Variants in NFIX observed in about 807,000 individuals in gnomAD.
The protein encoded by NFIX is nuclear factor 1 X-type.
In NFIX, 2 loss-of-function variants were observed where a neutral mutation model predicts 53.3. The ratio of observed to expected loss-of-function variants is 0.04; its 90% confidence interval spans 0.02 to 0.12. NFIX has a LOEUF of 0.12. NFIX is among the 10% of genes least tolerant of loss of function. The probability of loss-of-function intolerance (pLI) is 1.00; values close to 1 mark genes in which losing one functional copy is unlikely to be tolerated. For missense variants in NFIX, 310 were observed against 674.5 expected (o/e 0.46, Z 5.99); for synonymous variants, 244 against 289.0 (o/e 0.84, Z 1.58).
rs1294868609 is a variant in NFIX, at chr19:13,014,248, C to G, written c.28-10773C>G. ...CCGGTCTGATTCGCAAATCCCCAAA[C>G]TGGCACAAACCGGGAAACTTGCGGC... On this transcript the variant is annotated intron_variant, in intron 1 of 10. Transcript: ENST00000592199. This position sits in a 1 kb window ranked among gnomAD's most constrained non-coding sequence, Gnocchi z 4.4. The G allele has an allele frequency of 6.6e-6, 1 of 152,224 alleles. No homozygotes were observed. Among genetic ancestry groups the G allele is most frequent in the African/African-American group, 2.4e-5 (1 of 41,448 alleles). The allele number at this position is 152,224 out of a possible 1,614,324, so 9.4% of individuals were successfully genotyped here.
intron 1 of NFIX, among the ~76,000 whole-genome samples, chr19:12,999,013 T>C (rs1599696295): frequency 6.6e-6 from 1 of 152,210 alleles, no homozygotes; most frequent in South Asian, 2.1e-4. Context: ...CATGGAGCCC[T>C]GAGCACATGC....
chr19:12,998,585 G>A lies in NFIX; in HGVS notation c.27+2721G>A, dbSNP rs529369745. 6.6e-6 allele frequency among the ~76,000 whole-genome samples: 1 copy of A among 152,082 alleles called. No homozygotes were observed. The highest frequency in any genetic ancestry group is 2.4e-5 in the African/African-American group (1 of 41,464). ...GTCTCAGGCGGAGAGAGGGGTGGGGGGTGGATGGATGGACCCCCATCCCCA... is the reference window on the plus strand; with the variant it reads ...GTCTCAGGCGGAGAGAGGGGTGGGGAGTGGATGGATGGACCCCCATCCCCA... On this transcript the variant is annotated intron_variant, in intron 1 of 10. Transcript: ENST00000592199. This position sits in a 1 kb window ranked among gnomAD's most constrained non-coding sequence, Gnocchi z 4.4.
chr19:13,094,748 C>T lies in NFIX; in HGVS notation c.*99C>T, dbSNP rs2018337499. 2 of 1,349,682 alleles carry T rather than the reference C, an allele frequency of 1.5e-6. No individual in the cohort carries two copies. The highest frequency in any genetic ancestry group is 2.0e-6 in the Non-Finnish European group (2 of 983,796). 83.6% of individuals were successfully genotyped at this position (1,349,682 alleles called of 1,614,324 possible). On this transcript the variant is annotated 3_prime_UTR_variant, in exon 11 of 11. Coordinates refer to ENST00000592199, the MANE Select transcript of NFIX (RefSeq NM_001365902.3). The surrounding 1 kb of genome is among the most constrained non-coding windows in gnomAD (Gnocchi z 4.3). ...GGAAAAATCCCCCAGCCCAGCCCAG[C>T]CCCACCGAAAAGCAAAAATTACACG...
chr19:13,067,074 G>A lies in NFIX; in HGVS notation c.560-5973G>A, dbSNP rs767063446. 2.0e-5 allele frequency among the ~76,000 whole-genome samples: 3 copies of A among 152,218 alleles called. No homozygotes were observed. Among genetic ancestry groups the A allele is most frequent in the Non-Finnish European group, 2.9e-5 (2 of 68,034 alleles). On this transcript the variant is annotated intron_variant, in intron 2 of 10. Transcript: ENST00000592199. This position sits in a 1 kb window ranked among gnomAD's most constrained non-coding sequence, Gnocchi z 4.2. ...TCCAGCTCTGATTGCTACAGGCAGGGCCTCTGGCTCCCCTTGAGATTGGGT... is the reference window on the plus strand; with the variant it reads ...TCCAGCTCTGATTGCTACAGGCAGGACCTCTGGCTCCCCTTGAGATTGGGT...
chr19:13,019,731 GTTTT>G (rs60597655), intron 1 of NFIX, among the ~76,000 whole-genome samples: 2 of 129,956 alleles, frequency 1.5e-5, no homozygotes, highest in Non-Finnish European at 3.3e-5. Flanking sequence ...TTGTTTGTTT[GTTTT>G]TTTTTTTTTT....
In NFIX at chr19:13,092,851, T is replaced by G. The variant is rs1424360277; in HGVS notation, c.1495-1784T>G. On this transcript the variant is annotated intron_variant, in intron 10 of 10. Transcript: ENST00000592199. ...ATGCCTCAGGCCTGGGTTTCCGCCT[T>G]AGCCTCGCCAGGCCCCAATGAGCCT... Among the ~76,000 whole-genome samples, 4 of 152,238 alleles carry G rather than the reference T, an allele frequency of 2.6e-5. No homozygotes were observed. In the East Asian group the frequency reaches 5.8e-4, roughly 22 times the overall value.
intron 2 of NFIX, among the ~76,000 whole-genome samples, chr19:13,057,198 G>T (rs1298319520): frequency 6.6e-6 from 1 of 152,330 alleles, no homozygotes; most frequent in Non-Finnish European, 1.5e-5. Flanking sequence ...GCCAGTAGCG[G>T]GTCAGTGGGA....
At position 13,073,029 on chromosome 19, in the gene NFIX, C is replaced by T; in HGVS notation, c.560-18C>T. 1.9e-6 allele frequency: 3 copies of T among 1,613,548 alleles called. No homozygotes were observed. The highest frequency in any genetic ancestry group is 1.7e-4 in the Middle Eastern group (1 of 6,060). On this transcript the variant is annotated intron_variant, in intron 2 of 10. Coordinates refer to ENST00000592199, the MANE Select transcript of NFIX (RefSeq NM_001365902.3). This position sits in a 1 kb window ranked among gnomAD's most constrained non-coding sequence, Gnocchi z 4.5. ...AACTTTGCTCCTGATACATTCTCCC[C>T]TTTTGTGTCTCCTGCAGAATCCGGA...
chr19:13,008,885 T>C (rs569471686), intron 1 of NFIX, among the ~76,000 whole-genome samples: 2 of 152,288 alleles, frequency 1.3e-5, no homozygotes, highest in African/African-American at 4.8e-5. Context: ...GGAGCCCCAC[T>C]GAATCCGATG....
intron 2 of NFIX, among the ~76,000 whole-genome samples, chr19:13,030,096 AG>A (rs1237919982): frequency 6.6e-6 from 1 of 152,186 alleles, no homozygotes; most frequent in Non-Finnish European, 1.5e-5. Context: ...TCCTTTTTCA[AG>A]GCCCAGAAAT....
chr19:13,086,773 G>A (rs1307046129), intron 8 of NFIX, among the ~76,000 whole-genome samples: 2 of 152,222 alleles, frequency 1.3e-5, no homozygotes, highest in African/African-American at 4.8e-5. Context: ...TGGACACTGA[G>A]GGTCCTGAGC....
intron 1 of NFIX, among the ~76,000 whole-genome samples, chr19:13,004,484 C>G (rs997734255): frequency 1.3e-5 from 2 of 152,180 alleles, no homozygotes. Flanking sequence ...GCCACACCCC[C>G]ACACATATTC....
intron 1 of NFIX, among the ~76,000 whole-genome samples, chr19:12,999,112 C>T (rs567853597): frequency 6.6e-6 from 1 of 152,176 alleles, no homozygotes; most frequent in East Asian, 1.9e-4. Flanking sequence ...GGATACACAT[C>T]TTTACACAGA....
Position 13,022,649 on chromosome 19 carries a change from A to G in NFIX, c.28-2372A>G, listed in dbSNP as rs1330148808. 6.6e-6 allele frequency among the ~76,000 whole-genome samples: 1 copy of G among 151,742 alleles called. No individual in the cohort carries two copies. Among genetic ancestry groups the G allele is most frequent in the African/African-American group, 2.4e-5 (1 of 41,282 alleles). ...CAGAAAAAGAGAGTGTGCAGGCCCG[A>G]GAGAAAGACTGAAACCAAAACACAG... is the stretch of plus-strand genomic sequence containing the variant. On this transcript the variant is annotated intron_variant, in intron 1 of 10. Transcript: ENST00000592199. This position sits in a 1 kb window ranked among gnomAD's most constrained non-coding sequence, Gnocchi z 4.5.
Position 13,060,479 on chromosome 19 carries a change from G to A in NFIX, c.560-12568G>A, listed in dbSNP as rs547422930. On this transcript the variant is annotated intron_variant, in intron 2 of 10. Transcript: ENST00000592199. This position sits in a 1 kb window ranked among gnomAD's most constrained non-coding sequence, Gnocchi z 4.3. Reference sequence around the variant, plus strand: ...CCCTCTGACCACAACTTTGTGGGGCGCCTGCTGTGTGCAGAATCTACCCCG... The same window carrying A: ...CCCTCTGACCACAACTTTGTGGGGCACCTGCTGTGTGCAGAATCTACCCCG... Among the ~76,000 whole-genome samples, 5 of 152,334 alleles carry A rather than the reference G, an allele frequency of 3.3e-5. No individual in the cohort carries two copies. Among genetic ancestry groups the A allele is most frequent in the South Asian group, 4.1e-4 (2 of 4,832 alleles).
intron 2 of NFIX, among the ~76,000 whole-genome samples, chr19:13,048,187 C>G (rs1322761691): frequency 2.6e-5 from 4 of 152,236 alleles, no homozygotes; most frequent in Admixed American, 2.0e-4. Context: ...CACTGCTGAC[C>G]ACCCTGGCTT....
rs2016908159 is a variant in NFIX at position 13,073,783 on chromosome 19, TC to T, written c.698-120del. 4 of 1,336,434 alleles carry T rather than the reference TC, an allele frequency of 3.0e-6. No homozygotes were observed. The highest frequency in any genetic ancestry group is 2.0e-5 in the Admixed American group (1 of 49,210). The allele number at this position is 1,336,434 out of a possible 1,614,324, so 82.8% of individuals were successfully genotyped here. A position where few individuals can be genotyped will look rare whatever the true frequency, so the allele number is the denominator to read the frequency against. On this transcript the variant is annotated intron_variant, in intron 4 of 10. Transcript: ENST00000592199. This position sits in a 1 kb window ranked among gnomAD's most constrained non-coding sequence, Gnocchi z 4.5. ...TCAGCAGCCCAGATGGCCCACTTTC[TC>T]CCATCTCCTGGCCCCACAGTAAACT...
intron 2 of NFIX, among the ~76,000 whole-genome samples, chr19:13,029,547 T>A (rs532462700): frequency 1.3e-5 from 2 of 152,278 alleles, no homozygotes; most frequent in Non-Finnish European, 2.9e-5. Flanking sequence ...GTCATTGTTG[T>A]TGTCGTTGAA....
intron 2 of NFIX, among the ~76,000 whole-genome samples, chr19:13,056,019 G>A (rs568786662): frequency 3.3e-5 from 5 of 152,310 alleles, no homozygotes; most frequent in African/African-American, 7.2e-5. Flanking sequence ...GTGCGGTTTC[G>A]CAGGAGGGGA....
Sources: gnomAD v4.1 joint callset for allele counts (sites outside exome capture counted in the v4.1 genomes callset) on GRCh38, gnomAD v4.1.1 for gene constraint, Gnocchi (gnomAD v3.1) non-coding constraint, MANE v1.5 for transcripts, NCBI Gene and HGNC (gene_info 2026-07-23, HGNC 2026-07-21) for gene names.